The following HPCA variants were observed in gnomAD, a reference collection of about 807,000 sequenced individuals.
The protein encoded by HPCA is neuron-specific calcium-binding protein hippocalcin.
In HPCA, 4 loss-of-function variants were observed where a neutral mutation model predicts 18.2. The ratio of observed to expected loss-of-function variants is 0.22; its 90% CI spans 0.11 to 0.50. The LOEUF (loss-of-function observed/expected upper bound fraction) is 0.50, where lower values mean the gene tolerates loss of function less well. HPCA is among the 20% of genes least tolerant of loss of function. HPCA has a pLI of 0.97. For synonymous variants in HPCA, 93 were observed against 103.5 expected, an observed-to-expected ratio of 0.90 and a Z score of 0.61; for missense variants, 161 against 265.8, an observed-to-expected ratio of 0.61 and a Z score of 2.74.
intron 1 of HPCA, among the ~76,000 whole-genome samples, chr1:32,887,362 A>G (rs574366658): frequency 1.3e-5 from 2 of 152,224 alleles, no homozygotes; most frequent in Non-Finnish European, 2.9e-5. Context: ...ATGCACTCAC[A>G]ACACACCCAT....
rs1167323695 is a variant in HPCA at position 32,894,059 on chromosome 1, A to G, written c.*197A>G. 1.9e-5 allele frequency: 11 copies of G among 566,072 alleles called. No individual in the cohort carries two copies. In the East Asian group the frequency reaches 2.9e-4, roughly 15 times the overall value. The allele number at this position is 566,072 out of a possible 1,614,324, so 35.1% of individuals were successfully genotyped here. A position where few individuals can be genotyped will look rare whatever the true frequency, so the allele number is the denominator to read the frequency against. On this transcript the variant is annotated 3_prime_UTR_variant, in exon 4 of 4. Coordinates refer to ENST00000373467, the MANE Select transcript of HPCA (RefSeq NM_002143.3). ...GCAAGTAAGCGGTTAGCACCCCCCAATCCCAGAGGCAACAATAGAGACACA... is the reference window on the plus strand; with the variant it reads ...GCAAGTAAGCGGTTAGCACCCCCCAGTCCCAGAGGCAACAATAGAGACACA...
chr1:32,890,961 C>T (rs1213647589), intron 2 of HPCA, among the ~76,000 whole-genome samples: 2 of 152,246 alleles, frequency 1.3e-5, no homozygotes, highest in Non-Finnish European at 2.9e-5. Context: ...ATGGTAGGGC[C>T]AGGTGGCCAG....
chr1:32,887,577 A>C (rs1214233235), intron 1 of HPCA, among the ~76,000 whole-genome samples: 1 of 151,886 alleles, frequency 6.6e-6, no homozygotes. Context: ...AGTGTTGGGG[A>C]GGCTTGGATG....
chr1:32,887,970 G>A (rs1641398487), intron 1 of HPCA, among the ~76,000 whole-genome samples: 1 of 149,932 alleles, frequency 6.7e-6, no homozygotes, highest in South Asian at 2.1e-4. Flanking sequence ...GTGTGGATCT[G>A]GTGAGCTATG....
chr1:32,888,064 T>C (rs920224218), intron 1 of HPCA, among the ~76,000 whole-genome samples: 3 of 152,102 alleles, frequency 2.0e-5, no homozygotes, highest in Non-Finnish European at 4.4e-5. Flanking sequence ...GTCATTTTTA[T>C]TTATTTAACA....
chr1:32,891,124 C>A (rs1641446819), intron 2 of HPCA, among the ~76,000 whole-genome samples: 1 of 152,234 alleles, frequency 6.6e-6, no homozygotes, highest in African/African-American at 2.4e-5. Flanking sequence ...TCAAGCTAGA[C>A]CCATTCCCTG....
chr1:32,889,674 A>G lies in HPCA; in HGVS notation c.378+398A>G, dbSNP rs1369454272. ...GATTACCAAAGCCAGGATATTTAAC[A>G]TAGAAACAATGCTATTATCTAATCT... is the stretch of plus-strand genomic sequence containing the variant. On this transcript the variant is annotated intron_variant, in intron 2 of 3. Coordinates refer to ENST00000373467, the MANE Select transcript of HPCA (RefSeq NM_002143.3). This position sits in a 1 kb window ranked among gnomAD's most constrained non-coding sequence, Gnocchi z 4.6. Among the ~76,000 whole-genome samples, 1 of 152,198 alleles carries G rather than the reference A, an allele frequency of 6.6e-6. No individual in the cohort carries two copies. Among genetic ancestry groups the G allele is most frequent in the African/African-American group, 2.4e-5 (1 of 41,438 alleles).
chr1:32,892,206 C>T (rs1271375523), intron 2 of HPCA, among the ~76,000 whole-genome samples: 1 of 152,088 alleles, frequency 6.6e-6, no homozygotes, highest in African/African-American at 2.4e-5. Flanking sequence ...GATTGTAAAG[C>T]GTCTTAAATC....
At chr1:32,891,738 A>T (rs114794198) in intron 2 of HPCA, among the ~76,000 whole-genome samples, 285 of 152,324 alleles carry the variant, frequency 1.9e-3, no homozygotes, top group African/African-American at 6.4e-3. Context: ...TAACTTTAGA[A>T]ACTTGAGACT....
Position 32,893,473 on chromosome 1 carries a change from TG to T in HPCA, c.379-46del. 3.8e-6 allele frequency: 5 copies of T among 1,329,600 alleles called. No homozygotes were observed. Among genetic ancestry groups the T allele is most frequent in the East Asian group, 2.4e-5 (1 of 42,362 alleles). The allele number at this position is 1,329,600 out of a possible 1,614,324, so 82.4% of individuals were successfully genotyped here. On this transcript the variant is annotated intron_variant, in intron 2 of 3. Coordinates refer to ENST00000373467, the MANE Select transcript of HPCA (RefSeq NM_002143.3). This position sits in a 1 kb window ranked among gnomAD's most constrained non-coding sequence, Gnocchi z 7.5. ...CGGGGGCGCCTCTGAATCTTGCGGG[TG>T]GGGGCTCGGGCAGGCTCCTCTCACT...
intron 2 of HPCA, among the ~76,000 whole-genome samples, chr1:32,891,005 C>G (rs1474434176): frequency 6.6e-6 from 1 of 152,262 alleles, no homozygotes; most frequent in Non-Finnish European, 1.5e-5. Flanking sequence ...TGGACAGCAG[C>G]TGGGTACTGA....
intron 2 of HPCA, among the ~76,000 whole-genome samples, chr1:32,892,861 C>A (rs1641478263): frequency 6.6e-6 from 1 of 152,214 alleles, no homozygotes; most frequent in Non-Finnish European, 1.5e-5. Flanking sequence ...CGCAAGAACT[C>A]TCTTTCACGT....
upstream of HPCA, chr1:32,886,291 G>A (rs1469072141): frequency 6.6e-6 from 1 of 152,140 alleles, no homozygotes; most frequent in Non-Finnish European, 1.5e-5. The surrounding 1 kb of genome is among the most constrained non-coding windows in gnomAD (Gnocchi z 7.0). Context: ...AGGGGGACCG[G>A]GGAACTGAGG....
intron 2 of HPCA, among the ~76,000 whole-genome samples, chr1:32,892,371 C>A (rs1351526602): frequency 6.6e-6 from 1 of 152,212 alleles, no homozygotes; most frequent in Admixed American, 6.5e-5. Context: ...GACATAATTA[C>A]TTCTGGAGAG....
At chr1:32,887,168 CATGT>C (rs891462313) in intron 1 of HPCA, among the ~76,000 whole-genome samples, 3 of 152,142 alleles carry the variant, frequency 2.0e-5, no homozygotes, top group African/African-American at 7.2e-5. Context: ...CAGAAACATG[CATGT>C]GACACACCGC....
In HPCA at chr1:32,888,867, T is replaced by C. The variant is rs533598477; in HGVS notation, c.-21-11T>C. 1 of 1,586,318 alleles carries C rather than the reference T, an allele frequency of 6.3e-7. No homozygotes were observed. The highest frequency in any genetic ancestry group is 1.2e-5 in the South Asian group (1 of 85,118). ...CACTCCTCTCTGCCCTTGACCCCCT[T>C]GGGGACCCAGGTGGGACTTGGCTCG... On this transcript the variant is annotated splice_polypyrimidine_tract_variant and intron_variant, in intron 1 of 3. Transcript: ENST00000373467.
chr1:32,887,967 T>C (rs1439023989), intron 1 of HPCA, among the ~76,000 whole-genome samples: 2 of 152,120 alleles, frequency 1.3e-5, no homozygotes. Context: ...AGGGTGTGGA[T>C]CTGGTGAGCT....
Position 32,894,582 on chromosome 1 carries a change from A to C in HPCA, c.*720A>C. ...CTGTCCCCCCAACCGCCCCCCCTGC[A>C]TGCAGCCAAATGGAGCATCTCTGTT... On this transcript the variant is annotated 3_prime_UTR_variant, in exon 4 of 4. Transcript: ENST00000373467. 2.0e-5 allele frequency: 9 copies of C among 453,742 alleles called. No individual in the cohort carries two copies. Among genetic ancestry groups the C allele is most frequent in the East Asian group, 3.9e-5 (1 of 25,918 alleles). 28.1% of individuals were successfully genotyped at this position (453,742 alleles called of 1,614,324 possible). A position where few individuals can be genotyped will look rare whatever the true frequency, so the allele number is the denominator to read the frequency against.
Position 32,889,013 on chromosome 1 carries a change from C to G in HPCA, c.115C>G (p.Pro39Ala). 1 of 1,614,148 alleles carries G rather than the reference C, an allele frequency of 6.2e-7. No homozygotes were observed. Among genetic ancestry groups the G allele is most frequent in the Non-Finnish European group, 8.5e-7 (1 of 1,180,026 alleles). Residue 39 changes from proline to alanine, a missense_variant, in exon 2 of 4, where the codon CCC becomes GCC. By Grantham distance (27) the Pro-to-Ala change is conservative. Coordinates refer to ENST00000373467, the MANE Select transcript of HPCA (RefSeq NM_002143.3). The surrounding 1 kb of genome is among the most constrained non-coding windows in gnomAD (Gnocchi z 4.6). ...GTACAAGGGCTTCCTCAAGGACTGC[C>G]CCACAGGAATCCTCAATGTGGATGA... ...EWYKGFLKDC[P>A]TGILNVDEFK...
Sources: gnomAD v4.1 joint callset for allele counts (sites outside exome capture counted in the v4.1 genomes callset) on GRCh38, gnomAD v4.1.1 for gene constraint, Gnocchi (gnomAD v3.1) non-coding constraint, MANE v1.5 for transcripts, NCBI Gene and HGNC (gene_info 2026-07-23, HGNC 2026-07-21) for gene names.